The following C12orf75 variants were observed in gnomAD, a reference collection of about 807,000 sequenced individuals.
The protein encoded by C12orf75 is overexpressed in colon carcinoma 1 protein.
In C12orf75, 4 loss-of-function variants were observed where a neutral mutation model predicts 11.4. That is an observed-to-expected ratio of 0.35 (90% CI 0.17 to 0.80). C12orf75 has a LOEUF of 0.80. Ranked by LOEUF, C12orf75 falls within the 30% of genes least tolerant of loss-of-function variation. The probability of loss-of-function intolerance (pLI) is 0.52; values close to 1 mark genes in which losing one functional copy is unlikely to be tolerated. For missense variants in C12orf75, 89 were observed against 80.4 expected (o/e 1.11, Z -0.41); for synonymous variants, 30 against 30.0 (o/e 1.00, Z 0.00).
chr12:105,343,978 G>C (rs530343215), intron 1 of C12orf75, among the ~76,000 whole-genome samples: 87 of 152,268 alleles, frequency 5.7e-4, no homozygotes, highest in African/African-American at 2.1e-3. Flanking sequence ...TTTTAGAACA[G>C]AGGGAATGGT....
At chr12:105,344,067 GA>G (rs1165161330) in intron 1 of C12orf75, among the ~76,000 whole-genome samples, 1 of 152,194 alleles carries the variant, frequency 6.6e-6, no homozygotes, top group Non-Finnish European at 1.5e-5. Flanking sequence ...GCCCAGCAGG[GA>G]GGAGGCCCTT....
intron 1 of C12orf75, among the ~76,000 whole-genome samples, chr12:105,339,743 A>T (rs1187555286): frequency 6.6e-6 from 1 of 151,634 alleles, no homozygotes; most frequent in East Asian, 1.9e-4. Context: ...CAGCCTCCCG[A>T]GTAGCTGGGA....
intron 1 of C12orf75, among the ~76,000 whole-genome samples, chr12:105,339,480 A>C (rs1892540106): frequency 6.6e-6 from 1 of 151,820 alleles, no homozygotes; most frequent in South Asian, 2.1e-4. Context: ...GGTTTGAAGA[A>C]TGTAACTTAA....
chr12:105,359,976 T>C (rs1892838245), intron 2 of C12orf75, among the ~76,000 whole-genome samples: 4 of 152,108 alleles, frequency 2.6e-5, no homozygotes. Context: ...CACCGTGAAT[T>C]GGCCTTGTCT....
intron 1 of C12orf75, among the ~76,000 whole-genome samples, chr12:105,339,408 T>G (rs1227324488): frequency 1.3e-5 from 2 of 151,416 alleles, no homozygotes; most frequent in East Asian, 3.9e-4. Flanking sequence ...TTTTTTTTTT[T>G]ACAAATTCTT....
chr12:105,362,309 C>T (rs370893456), intron 2 of C12orf75, among the ~76,000 whole-genome samples: 25 of 124,248 alleles, frequency 2.0e-4, no homozygotes, highest in South Asian at 8.0e-4. Context: ...GGCGTGAACC[C>T]GGGAGGCGGA....
At chr12:105,366,117 C>T (rs959465214) in intron 3 of C12orf75, 2 of 429,032 alleles carry the variant, frequency 4.7e-6, no homozygotes, top group African/African-American at 2.0e-5. Context: ...AACTGGATGA[C>T]TTCCCTTCAT....
intron 5 of C12orf75, among the ~76,000 whole-genome samples, chr12:105,370,343 T>G (rs1160160003): frequency 1.3e-5 from 2 of 152,152 alleles, no homozygotes; most frequent in Non-Finnish European, 2.9e-5. Context: ...TATTTTTAAT[T>G]TGGATGATGT....
At chr12:105,344,354 C>T (rs1312760382) in intron 1 of C12orf75, among the ~76,000 whole-genome samples, 1 of 152,134 alleles carries the variant, frequency 6.6e-6, no homozygotes, top group East Asian at 1.9e-4. Flanking sequence ...CTGTTCTTAC[C>T]CCATCACCGT....
intron 2 of C12orf75, among the ~76,000 whole-genome samples, chr12:105,354,776 G>A (rs553707314): frequency 6.6e-6 from 1 of 152,116 alleles, no homozygotes; most frequent in Non-Finnish European, 1.5e-5. Context: ...GCAGATGGAC[G>A]GATTCATCCA....
At chr12:105,359,390 T>A (rs1269153836) in intron 2 of C12orf75, among the ~76,000 whole-genome samples, 1 of 152,156 alleles carries the variant, frequency 6.6e-6, no homozygotes, top group Non-Finnish European at 1.5e-5. Flanking sequence ...CTCTCCCATT[T>A]TCCAGTTTTT....
At chr12:105,369,083 T>C (rs1296885438) in intron 5 of C12orf75, among the ~76,000 whole-genome samples, 1 of 152,182 alleles carries the variant, frequency 6.6e-6, no homozygotes, top group Non-Finnish European at 1.5e-5. Flanking sequence ...AGCATAGAAA[T>C]AGAGTGGAAA....
At chr12:105,356,439 CTTTTTTT>C (rs77310165) in intron 2 of C12orf75, among the ~76,000 whole-genome samples, 6 of 106,332 alleles carry the variant, frequency 5.6e-5, no homozygotes, top group African/African-American at 6.6e-5. Context: ...AGACTACAGG[CTTTTTTT>C]TTTTTTTTTT....
intron 2 of C12orf75, among the ~76,000 whole-genome samples, chr12:105,357,782 G>C (rs1319198092): frequency 2.2e-5 from 3 of 139,006 alleles, no homozygotes; most frequent in Admixed American, 7.2e-5. Context: ...TATTTTCTGT[G>C]TGTGTGTGTG....
intron 1 of C12orf75, among the ~76,000 whole-genome samples, chr12:105,345,370 A>T (rs1892625207): frequency 6.6e-6 from 1 of 151,942 alleles, no homozygotes; most frequent in Non-Finnish European, 1.5e-5. Flanking sequence ...CACGCCTGTA[A>T]TCCCAGCTAC....
rs535847201 is a variant in C12orf75 at position 105,349,032 on chromosome 12, G to A, written c.71+406G>A. On this transcript the variant is annotated intron_variant, in intron 2 of 5. Coordinates refer to ENST00000443585, the MANE Select transcript of C12orf75 (RefSeq NM_001145199.2). ...GCCAAGCAGTTACCAAGTGTACATT[G>A]AATTGTTTTAAAGTTGATAACTAGA... Among the ~76,000 whole-genome samples the A allele has an allele frequency of 2.0e-5, 3 of 152,262 alleles. No homozygotes were observed. In the South Asian group the frequency reaches 6.2e-4, roughly 32 times the overall value.
At chr12:105,358,065 C>A (rs1409876429) in intron 2 of C12orf75, among the ~76,000 whole-genome samples, 1 of 152,102 alleles carries the variant, frequency 6.6e-6, no homozygotes, top group African/African-American at 2.4e-5. Context: ...CCCAGCTGAT[C>A]TTGAACTCCT....
chr12:105,367,468 T>C lies in C12orf75; in HGVS notation c.188-4T>C. 1.2e-6 allele frequency: 1 copy of C among 841,406 alleles called. No homozygotes were observed. The highest frequency in any genetic ancestry group is 1.8e-6 in the Non-Finnish European group (1 of 551,910). The allele number at this position is 841,406 out of a possible 1,614,324, so 52.1% of individuals were successfully genotyped here. A position where few individuals can be genotyped will look rare whatever the true frequency, so the allele number is the denominator to read the frequency against. ...ATTTAACTTTTCTTAATTTTCTCTT[T>C]AAGATTAGAAGAAAATAACATCATG... On this transcript the variant is annotated splice_polypyrimidine_tract_variant and splice_region_variant and intron_variant, in intron 4 of 5. Coordinates refer to ENST00000443585, the MANE Select transcript of C12orf75 (RefSeq NM_001145199.2).
intron 1 of C12orf75, 129 bp from the exon 2 acceptor site, chr12:105,348,473 C>G (rs1892668869): frequency 2.9e-4 from 108 of 368,902 alleles, no homozygotes; most frequent in East Asian, 9.6e-4. Context: ...CCTCCTTTCT[C>G]TGTTTTTGAA....
Sources: gnomAD v4.1 joint callset for allele counts (sites outside exome capture counted in the v4.1 genomes callset) on GRCh38, gnomAD v4.1.1 for gene constraint, MANE v1.5 for transcripts, NCBI Gene and HGNC (gene_info 2026-07-23, HGNC 2026-07-21) for gene names.